The following APOLD1 variants were observed in gnomAD, a reference collection of about 807,000 sequenced individuals.
APOLD1 encodes apolipoprotein L domain containing 1, also known as apolipoprotein L domain-containing protein 1.
APOLD1 carries 22 observed loss-of-function variants against 15.3 expected under a neutral mutation model. That is an observed-to-expected ratio of 1.44 (90% CI 1.03 to 2.05). The LOEUF is 2.05. Among genes scored for constraint, APOLD1 ranks in the 30% most tolerant of loss-of-function variants. The pLI is 0.00. For missense variants in APOLD1, 394 were observed against 353.5 expected, an observed-to-expected ratio of 1.11 and a Z score of -0.92; for synonymous variants, 190 against 167.4, an observed-to-expected ratio of 1.13 and a Z score of -1.04.
rs59493666 is a variant in APOLD1, at chr12:12,779,800, A to G, written c.97-7109A>G. Among the ~76,000 whole-genome samples the G allele has an allele frequency of 2.2e-3, 331 of 152,322 alleles. 1 individual carries two copies. The highest frequency in any genetic ancestry group is 7.5e-3 in the African/African-American group (310 of 41,570). On this transcript the variant is annotated intron_variant, in intron 1 of 1. Transcript: ENST00000326765. ...GTGTGTATCTATCTGCAGGAACGTT[A>G]AGTAGAAAAAAGAACACAGGCTAGT... is the stretch of plus-strand genomic sequence containing the variant.
In APOLD1 at chr12:12,726,378, G is replaced by A. The variant is rs116681353; in HGVS notation, c.96+282G>A. ...TGAAGTGCCTTTGATTTCTGGGTAC[G>A]GAAATTCTTTTGATAAAGCGTGTGT... On this transcript the variant is annotated intron_variant, in intron 1 of 1. Coordinates refer to the APOLD1 transcript ENST00000326765. 9.8e-4 allele frequency: 499 copies of A among 510,238 alleles called. 1 individual carries two copies. The highest frequency in any genetic ancestry group is 8.6e-3 in the African/African-American group (445 of 51,506). The allele number at this position is 510,238 out of a possible 1,614,324, so 31.6% of individuals were successfully genotyped here.
chr12:12,763,875 A>G (rs917509671), intron 1 of APOLD1, among the ~76,000 whole-genome samples: 1 of 152,118 alleles, frequency 6.6e-6, no homozygotes, highest in Non-Finnish European at 1.5e-5. Context: ...TTTTTCCCAA[A>G]TATTTTTGAT....
Position 12,787,376 on chromosome 12 carries a change from G to A in APOLD1, c.471G>A (p.Arg157=). 6.2e-7 allele frequency: 1 copy of A among 1,614,136 alleles called. No homozygotes were observed. Among genetic ancestry groups the A allele is most frequent in the East Asian group, 2.2e-5 (1 of 44,884 alleles). Residue 157 remains arginine (R), a synonymous_variant, in exon 2 of 2, where the codon AGG becomes AGA. Coordinates refer to ENST00000356591, the MANE Select transcript of APOLD1 (RefSeq NM_030817.3). This position sits in a 1 kb window ranked among gnomAD's most constrained non-coding sequence, Gnocchi z 4.9. ...CGDRQLLQCG[R]NASIALYNSV... ...ACCGCCAGCTGCTGCAGTGCGGGAG[G>A]AACGCCTCCATCGCCCTGTACAATT... is the stretch of plus-strand genomic sequence containing the variant.
At chr12:12,731,140 CAAAA>C (rs1008827493) in intron 1 of APOLD1, among the ~76,000 whole-genome samples, 2 of 151,762 alleles carry the variant, frequency 1.3e-5, no homozygotes, top group Non-Finnish European at 2.9e-5. Context: ...GACGCCATCT[CAAAA>C]AAACAAACAA....
chr12:12,786,959 G>C lies in APOLD1; in HGVS notation c.54G>C (p.Arg18=), dbSNP rs368169074. ...AGCCGCATGGGCCCGACGCGCTGCG[G>C]CGCTTCCAGGGACTGCTGCTGGACC... The part of the protein sequence containing the change: ...AREPHGPDAL[R]RFQGLLLDRR... The change falls in exon 2 of 2, where the codon CGG becomes CGC. Residue 18 remains arginine (R), a synonymous_variant. Coordinates refer to ENST00000356591, the MANE Select transcript of APOLD1 (RefSeq NM_030817.3). 2.7e-6 allele frequency: 4 copies of C among 1,459,052 alleles called. No homozygotes were observed. Among genetic ancestry groups the C allele is most frequent in the East Asian group, 3.0e-5 (1 of 33,300 alleles). 90.4% of individuals were successfully genotyped at this position (1,459,052 alleles called of 1,614,324 possible). A position where few individuals can be genotyped will look rare whatever the true frequency, so the allele number is the denominator to read the frequency against.
chr12:12,787,630 A>G lies in APOLD1; in HGVS notation c.725A>G (p.Gln242Arg), dbSNP rs762117882. Reference sequence around the variant, plus strand: ...CACGACCTCAAGATCTCTGCTGACCAGCGTGCAGGGCTGTTTTTCTGAGAA... The same window carrying G: ...CACGACCTCAAGATCTCTGCTGACCGGCGTGCAGGGCTGTTTTTCTGAGAA... ...RGHDLKISAD[Q>R]RAGLFF Residue 242 changes from glutamine (Q) to arginine (R), a missense_variant, in exon 2 of 2, where the codon CAG becomes CGG. Coordinates refer to ENST00000356591, the MANE Select transcript of APOLD1 (RefSeq NM_030817.3). The surrounding 1 kb of genome is among the most constrained non-coding windows in gnomAD (Gnocchi z 4.9). 2 of 1,602,962 alleles carry G rather than the reference A, an allele frequency of 1.2e-6. No individual in the cohort carries two copies. The highest frequency in any genetic ancestry group is 1.1e-5 in the South Asian group (1 of 90,952).
At chr12:12,757,387 G>A (rs956628807) in intron 1 of APOLD1, among the ~76,000 whole-genome samples, 15 of 152,188 alleles carry the variant, frequency 9.9e-5, no homozygotes, top group African/African-American at 3.6e-4. Context: ...CCGCATGACA[G>A]CTGGGACAGC....
intron 1 of APOLD1, among the ~76,000 whole-genome samples, chr12:12,746,222 G>A (rs1946763585): frequency 6.6e-6 from 1 of 152,218 alleles, no homozygotes; most frequent in African/African-American, 2.4e-5. Flanking sequence ...CAGGCCGGGT[G>A]CAGTGGCTCA....
intron 1 of APOLD1, among the ~76,000 whole-genome samples, chr12:12,777,906 T>G (rs1399462286): frequency 4.7e-4 from 14 of 30,048 alleles, no homozygotes; most frequent in East Asian, 4.9e-3. Flanking sequence ...TTTTTTTTTT[T>G]TTTTTTTTTT....
At chr12:12,738,567 G>A (rs987827130) in intron 1 of APOLD1, among the ~76,000 whole-genome samples, 6 of 152,134 alleles carry the variant, frequency 3.9e-5, no homozygotes, top group African/African-American at 1.2e-4. Context: ...AATTTCAAAT[G>A]ATGCTTTATA....
At chr12:12,774,576 AAAG>A in intron 1 of APOLD1, among the ~76,000 whole-genome samples, 13 of 97,566 alleles carry the variant, frequency 1.3e-4, no homozygotes, top group East Asian at 8.4e-4. Context: ...AAAAAAAAAG[AAAG>A]AAAAGAAAAG....
chr12:12,731,121 A>T (rs565230405), intron 1 of APOLD1, among the ~76,000 whole-genome samples: 78 of 152,218 alleles, frequency 5.1e-4, no homozygotes, highest in Non-Finnish European at 7.3e-4. Flanking sequence ...AGCCTGGGCG[A>T]CAGAGCAAGA....
intron 1 of APOLD1, among the ~76,000 whole-genome samples, chr12:12,755,359 G>A (rs903233574): frequency 2.0e-5 from 3 of 152,210 alleles, no homozygotes; most frequent in South Asian, 4.1e-4. Flanking sequence ...ATGGTCTTGC[G>A]TAGGGCAAAA....
intron 1 of APOLD1, among the ~76,000 whole-genome samples, chr12:12,761,386 A>G (rs549417066): frequency 6.6e-6 from 1 of 152,232 alleles, no homozygotes; most frequent in East Asian, 1.9e-4. Context: ...TTACTTTTTT[A>G]TTTATCATGG....
At chr12:12,760,153 A>T (rs1001950256) in intron 1 of APOLD1, among the ~76,000 whole-genome samples, 1 of 152,170 alleles carries the variant, frequency 6.6e-6, no homozygotes, top group Admixed American at 6.6e-5. Flanking sequence ...CCTGGGCAAC[A>T]TGACGAAACC....
chr12:12,733,370 T>C (rs1946658517), intron 1 of APOLD1, among the ~76,000 whole-genome samples: 1 of 152,080 alleles, frequency 6.6e-6, no homozygotes, highest in Non-Finnish European at 1.5e-5. Context: ...CCATAGCACA[T>C]TAAGACCAAA....
At chr12:12,750,015 A>T (rs1946797663) in intron 1 of APOLD1, among the ~76,000 whole-genome samples, 1 of 152,164 alleles carries the variant, frequency 6.6e-6, no homozygotes, top group South Asian at 2.1e-4. Flanking sequence ...TGTACTTGTC[A>T]AAAGATCCCT....
rs370176231 is a variant in APOLD1, at chr12:12,787,348, G to A, written c.443G>A (p.Gly148Glu). ...TTTTTCTGCCGCTGGCAGGGCTGCG[G>A]GGACCGCCAGCTGCTGCAGTGCGGG... is the stretch of plus-strand genomic sequence containing the variant. ...LEFFCRWQGCGDRQLLQCGRN... is the reference protein window; with the variant it reads ...LEFFCRWQGCEDRQLLQCGRN... Residue 148 changes from glycine (G) to glutamate (E), a missense_variant, in exon 2 of 2, where the codon GGG (glycine) becomes GAG (glutamate). Gly to Glu is a moderately conservative substitution (Grantham distance 98). Coordinates refer to ENST00000356591, the MANE Select transcript of APOLD1 (RefSeq NM_030817.3). This position sits in a 1 kb window ranked among gnomAD's most constrained non-coding sequence, Gnocchi z 4.9. The A allele has an allele frequency of 2.0e-4, 327 of 1,613,892 alleles. No homozygotes were observed. Among genetic ancestry groups the A allele is most frequent in the Non-Finnish European group, 2.7e-4 (315 of 1,180,038 alleles).
rs1173616195 is a variant in APOLD1 at position 12,755,684 on chromosome 12, T to C, written c.96+29588T>C. Among the ~76,000 whole-genome samples, 4 of 151,908 alleles carry C rather than the reference T, an allele frequency of 2.6e-5. No homozygotes were observed. In the South Asian group the frequency reaches 6.2e-4, roughly 24 times the overall value. On this transcript the variant is annotated intron_variant, in intron 1 of 1. Transcript: ENST00000326765. Reference sequence around the variant, plus strand: ...GGAGAAACTTCATCTCTACCAAAAATACAAAAAATTAGCTGGACGTGGTGG... The same window carrying C: ...GGAGAAACTTCATCTCTACCAAAAACACAAAAAATTAGCTGGACGTGGTGG...
Sources: gnomAD v4.1 joint callset for allele counts (sites outside exome capture counted in the v4.1 genomes callset) on GRCh38, gnomAD v4.1.1 for gene constraint, Gnocchi (gnomAD v3.1) non-coding constraint, MANE v1.5 for transcripts, NCBI Gene and HGNC (gene_info 2026-07-23, HGNC 2026-07-21) for gene names.